The following EXOC3L2 variants were observed in gnomAD, a reference collection of about 807,000 sequenced individuals.
The protein encoded by EXOC3L2 is exocyst complex component 3 like 2.
Under a neutral mutation model 44.4 loss-of-function variants are expected in EXOC3L2, and 17 were observed. The ratio of observed to expected loss-of-function variants is 0.38; its 90% confidence interval spans 0.26 to 0.57. The LOEUF (loss-of-function observed/expected upper bound fraction) is 0.57, where lower values mean the gene tolerates loss of function less well. Among genes scored for constraint, EXOC3L2 ranks in the 20% least tolerant of loss-of-function variants. The pLI, the probability that EXOC3L2 is intolerant of heterozygous loss-of-function variation, is 0.65. For missense variants in EXOC3L2, 541 were observed against 588.4 expected (o/e 0.92, Z 0.83); for synonymous variants, 256 against 253.7 (o/e 1.01, Z -0.09).
At chr19:45,230,894 G>A (rs116033882) in intron 4 of EXOC3L2, among the ~76,000 whole-genome samples, 3,741 of 151,778 alleles carry the variant, frequency 0.025, 69 homozygotes, top group African/African-American at 0.052. Context: ...AGACTAGCCT[G>A]GGCAAAATGG....
intron 7 of EXOC3L2, among the ~76,000 whole-genome samples, chr19:45,226,587 C>A (rs1214977283): frequency 6.6e-6 from 1 of 151,830 alleles, no homozygotes; most frequent in African/African-American, 2.4e-5. Context: ...CAGGCACCTG[C>A]CATCATGCCC....
chr19:45,214,162 TG>T (rs1408266474), intron 11 of EXOC3L2, among the ~76,000 whole-genome samples: 17 of 152,240 alleles, frequency 1.1e-4, no homozygotes, highest in African/African-American at 3.9e-4. Flanking sequence ...TGGGACCCCA[TG>T]GGACTCCAGG....
rs569492417 is a variant in EXOC3L2, at chr19:45,238,318, G to A, written c.523+205C>T. Among the ~76,000 whole-genome samples the A allele has an allele frequency of 2.0e-5, 3 of 152,240 alleles. No individual in the cohort carries two copies. In the South Asian group the frequency reaches 6.2e-4, roughly 32 times the overall value. ...ATTAACAGGTGGCACTGAAGAGAAA[G>A]GTTGACGACAGGGATTAGGACTGCA... On this transcript the variant is annotated intron_variant, in intron 2 of 11. Transcript: ENST00000413988. The surrounding 1 kb of genome is among the most constrained non-coding windows in gnomAD (Gnocchi z 5.5).
At chr19:45,218,663 C>G (rs748969518) in intron 8 of EXOC3L2, among the ~76,000 whole-genome samples, 5 of 151,958 alleles carry the variant, frequency 3.3e-5, no homozygotes, top group Non-Finnish European at 4.4e-5. Flanking sequence ...CTTCCTTAGC[C>G]AAGTGAGGGA....
chr19:45,235,960 AGATGGGGATTGGGACACG>A (rs1970080284), intron 2 of EXOC3L2, among the ~76,000 whole-genome samples: 1 of 152,010 alleles, frequency 6.6e-6, no homozygotes, highest in Non-Finnish European at 1.5e-5. Flanking sequence ...CGGTGAATTA[AGATGGGGATTGGGACACG>A]GATGGGGATA....
At chr19:45,231,691 G>A (rs777328011) in intron 4 of EXOC3L2, 72 bp downstream of exon 4, 5 of 1,335,754 alleles carry the variant, frequency 3.7e-6, no homozygotes, top group Non-Finnish European at 5.3e-6. Flanking sequence ...GGAGGGGACA[G>A]GCTTCCCAAG....
chr19:45,244,058 G>A (rs1970150714), intron 1 of EXOC3L2, among the ~76,000 whole-genome samples: 1 of 152,024 alleles, frequency 6.6e-6, no homozygotes, highest in Non-Finnish European at 1.5e-5. Flanking sequence ...CGAGTAGCTG[G>A]GAGTACAAGT....
At chr19:45,216,020 C>T in intron 11 of EXOC3L2, 53 bp downstream of exon 11, 1 of 1,603,574 alleles carries the variant, frequency 6.2e-7, no homozygotes, top group South Asian at 1.1e-5. Flanking sequence ...GCCAAGGCCG[C>T]CAGGAGACCT....
chr19:45,239,925 G>A (rs974384837), intron 1 of EXOC3L2, among the ~76,000 whole-genome samples: 5 of 152,042 alleles, frequency 3.3e-5, no homozygotes, highest in Non-Finnish European at 7.4e-5. Context: ...GGGCAGAGAT[G>A]ATATGGGGAC....
chr19:45,233,706 T>G (rs566215876), intron 3 of EXOC3L2, among the ~76,000 whole-genome samples: 1 of 152,296 alleles, frequency 6.6e-6, no homozygotes, highest in South Asian at 2.1e-4. Context: ...GCTAGGATTC[T>G]AAGACTGGAA....
rs554194618 is a variant in EXOC3L2, at chr19:45,234,860, G to A, written c.524-34C>T. The A allele has an allele frequency of 2.6e-6, 1 of 384,732 alleles. No individual in the cohort carries two copies. Among genetic ancestry groups the A allele is most frequent in the East Asian group, 3.7e-5 (1 of 26,954 alleles). 23.8% of individuals were successfully genotyped at this position (384,732 alleles called of 1,614,324 possible). On this transcript the variant is annotated intron_variant, in intron 2 of 11. Transcript: ENST00000413988. This position sits in a 1 kb window ranked among gnomAD's most constrained non-coding sequence, Gnocchi z 5.0. ...GCAAAGCGGGAGGTCAGCAGTGCGC[G>A]GGGGGGAGGAGGGCGATGCCGGACG...
At chr19:45,226,446 CT>C (rs1446087108) in intron 7 of EXOC3L2, among the ~76,000 whole-genome samples, 1 of 151,508 alleles carries the variant, frequency 6.6e-6, no homozygotes, top group African/African-American at 2.4e-5. Flanking sequence ...CTTTTATTTT[CT>C]TTTTTTTGAG....
rs1451086970 is a variant in EXOC3L2 at position 45,231,860 on chromosome 19, A to G, written c.1172T>C (p.Leu391Pro). The change falls in exon 4 of 12, where the codon CTG becomes CCG. Residue 391 changes from leucine (L) to proline (P), a missense_variant. Physicochemically the swap from Leu to Pro is moderately conservative, Grantham distance 98. Coordinates refer to ENST00000413988, the MANE Select transcript of EXOC3L2 (RefSeq NM_001382422.1). ...ATTCTCCAGGGCGGCCATGTCCACC[A>G]GCCCTAGGACCTCTCTGGGGATGGG... ...NQVYPREVLG[L>P]VDMAALENGE... 6.2e-7 allele frequency: 1 copy of G among 1,607,336 alleles called. No homozygotes were observed. Among genetic ancestry groups the G allele is most frequent in the Admixed American group, 1.7e-5 (1 of 59,868 alleles).
At chr19:45,235,331 A>C (rs1404361216) in intron 2 of EXOC3L2, among the ~76,000 whole-genome samples, 1 of 152,062 alleles carries the variant, frequency 6.6e-6, no homozygotes, top group Non-Finnish European at 1.5e-5. Context: ...GAGAGGGGGA[A>C]AAGAAAAATG....
rs769797429 is a variant in EXOC3L2, at chr19:45,217,648, G to C, written c.1878C>G (p.Val626=). 7.0e-7 allele frequency: 1 copy of C among 1,433,988 alleles called. No individual in the cohort carries two copies. The highest frequency in any genetic ancestry group is 2.8e-5 in the East Asian group (1 of 36,236). 88.8% of individuals were successfully genotyped at this position (1,433,988 alleles called of 1,614,324 possible). A position where few individuals can be genotyped will look rare whatever the true frequency, so the allele number is the denominator to read the frequency against. ...CACGGAGCAGGGGCCGCACGTACTCGACCAGCGCCCGCCGGTGTAGCTCGG... is the reference window on the plus strand; with the variant it reads ...CACGGAGCAGGGGCCGCACGTACTCCACCAGCGCCCGCCGGTGTAGCTCGG... ...LVAELHRRAL[V]EYVRPLLRGR... Residue 626 remains valine, a synonymous_variant, in exon 10 of 12, where the codon GTC becomes GTG. Coordinates refer to ENST00000413988, the MANE Select transcript of EXOC3L2 (RefSeq NM_001382422.1).
intron 7 of EXOC3L2, among the ~76,000 whole-genome samples, chr19:45,225,139 G>A (rs1419834656): frequency 2.0e-5 from 3 of 150,938 alleles, no homozygotes; most frequent in Admixed American, 6.6e-5. Context: ...ATGTTGGGGG[G>A]CTGAGGGATG....
intron 1 of EXOC3L2, among the ~76,000 whole-genome samples, chr19:45,244,964 T>C (rs544608126): frequency 2.6e-5 from 4 of 151,848 alleles, no homozygotes; most frequent in Admixed American, 2.0e-4. Context: ...CGAGACCCCA[T>C]CTCTTGGGAT....
At chr19:45,220,817 C>G (rs934052013) in intron 8 of EXOC3L2, among the ~76,000 whole-genome samples, 1 of 146,730 alleles carries the variant, frequency 6.8e-6, no homozygotes, top group Non-Finnish European at 1.5e-5. Flanking sequence ...TGGGAGGAGA[C>G]GAGACTGAGG....
chr19:45,229,859 G>A (rs346772), intron 4 of EXOC3L2, among the ~76,000 whole-genome samples: 399 of 99,786 alleles, frequency 4.0e-3, no homozygotes, highest in African/African-American at 0.028. Flanking sequence ...ATATATATAT[G>A]TGTACATTAT....
Sources: allele counts gnomAD v4.1 joint callset (sites outside exome capture counted in the v4.1 genomes callset), GRCh38; gene constraint gnomAD v4.1.1; non-coding constraint Gnocchi (gnomAD v3.1); transcripts MANE v1.5; gene names NCBI Gene and HGNC (gene_info 2026-07-23, HGNC 2026-07-21).